Variants in CLASP1 observed in about 807,000 individuals in gnomAD.
CLASP1 encodes the protein CLIP-associating protein 1.
CLASP1 carries 38 observed loss-of-function variants against 192.3 expected under a neutral mutation model. The observed-to-expected ratio is 0.20, with a 90% CI of 0.15 to 0.26. The LOEUF is 0.26. Ranked by LOEUF, CLASP1 falls within the 10% of genes least tolerant of loss-of-function variation. The pLI is 1.00. For missense variants in CLASP1, 1,433 were observed against 1,932.5 expected (o/e 0.74, Z 4.85); for synonymous variants, 691 against 712.8 (o/e 0.97, Z 0.49).
intron 8 of CLASP1, among the ~76,000 whole-genome samples, chr2:121,497,068 A>G (rs2093564177): frequency 6.6e-6 from 1 of 152,204 alleles, no homozygotes; most frequent in Non-Finnish European, 1.5e-5. Flanking sequence ...ACCAAAGGCC[A>G]GGAAGGGGAG....
At chr2:121,515,168 C>T (rs1031288975) in intron 7 of CLASP1, among the ~76,000 whole-genome samples, 4 of 152,166 alleles carry the variant, frequency 2.6e-5, no homozygotes, top group Admixed American at 2.0e-4. Flanking sequence ...TCTGATGAGA[C>T]GCTGATCCCC....
At chr2:121,374,000 G>A (rs77716340) in intron 34 of CLASP1, among the ~76,000 whole-genome samples, 5,303 of 152,338 alleles carry the variant, frequency 0.035, 152 homozygotes, top group East Asian at 0.14. Context: ...ATTAAAAGCC[G>A]GATGTTAATA....
intron 2 of CLASP1, among the ~76,000 whole-genome samples, chr2:121,562,953 C>G (rs546219566): frequency 6.0e-4 from 91 of 152,284 alleles, no homozygotes; most frequent in African/African-American, 2.2e-3. Context: ...CAATGACAGT[C>G]CCAACACAGG....
At chr2:121,507,010 C>T (rs2093966417) in intron 7 of CLASP1, among the ~76,000 whole-genome samples, 3 of 152,102 alleles carry the variant, frequency 2.0e-5, no homozygotes, top group Non-Finnish European at 4.4e-5. Flanking sequence ...TTTCAAGTGT[C>T]CAGTTTCAAC....
At chr2:121,352,552 G>T (rs556850302) in intron 37 of CLASP1, among the ~76,000 whole-genome samples, 1 of 152,310 alleles carries the variant, frequency 6.6e-6, no homozygotes, top group Admixed American at 6.5e-5. Context: ...CATATTCTCA[G>T]CCTCTGAGAG....
rs147000252 is a variant in CLASP1 at position 121,454,158 on chromosome 2, C to T, written c.1386-2309G>A. On this transcript the variant is annotated intron_variant, in intron 14 of 39. Transcript: ENST00000263710. Reference sequence around the variant, plus strand: ...GAATTTTATCTCCCTGCCCACCCCCCCCTCCAAAATTAATATGCTGAAGTC... The same window carrying T: ...GAATTTTATCTCCCTGCCCACCCCCTCCTCCAAAATTAATATGCTGAAGTC... Among the ~76,000 whole-genome samples, 7 of 151,958 alleles carry T rather than the reference C, an allele frequency of 4.6e-5. 1 individual carries two copies. Among genetic ancestry groups the T allele is most frequent in the South Asian group, 2.1e-4 (1 of 4,802 alleles).
In CLASP1 at chr2:121,363,309, C is replaced by CA. The variant is rs758118874; in HGVS notation, c.4078-10dup. The CA allele has an allele frequency of 6.2e-7, 1 of 1,613,314 alleles. No individual in the cohort carries two copies. Among genetic ancestry groups the CA allele is most frequent in the African/African-American group, 1.3e-5 (1 of 75,034 alleles). ...AGTGCTCGAATTGAATGCTAGAATA[C>CA]AAAGGGAAAGGAAGACATCACCAAA... On this transcript the variant is annotated splice_polypyrimidine_tract_variant and intron_variant, in intron 36 of 39. Coordinates refer to ENST00000263710, the Ensembl canonical transcript of CLASP1.
chr2:121,347,426 G>A (rs1300066911), intron 38 of CLASP1, among the ~76,000 whole-genome samples: 2 of 152,204 alleles, frequency 1.3e-5, no homozygotes, highest in Non-Finnish European at 2.9e-5. Context: ...AGGTATCACC[G>A]TGTAACAAGC....
At chr2:121,568,255 C>T (rs1327811943) in intron 2 of CLASP1, among the ~76,000 whole-genome samples, 1 of 152,050 alleles carries the variant, frequency 6.6e-6, no homozygotes, top group African/African-American at 2.4e-5. Flanking sequence ...CACATTACTG[C>T]TAAGCAGGGG....
At chr2:121,462,446 C>A in intron 10 of CLASP1, 86 bp downstream of exon 10, 1 of 751,194 alleles carries the variant, frequency 1.3e-6, no homozygotes, top group South Asian at 1.8e-5. Context: ...ACCTAGTAAA[C>A]AACATTACAT....
At chr2:121,408,659 GATA>G (rs2077257979) in intron 24 of CLASP1, among the ~76,000 whole-genome samples, 1 of 151,974 alleles carries the variant, frequency 6.6e-6, no homozygotes, top group Admixed American at 6.6e-5. Context: ...TTTTTGTTTG[GATA>G]ATAAATTACA....
rs2150029749 is a variant in CLASP1 at position 121,477,392 on chromosome 2, A to G, written c.713-7432T>C. On this transcript the variant is annotated intron_variant, in intron 8 of 39. Coordinates refer to ENST00000263710, the Ensembl canonical transcript of CLASP1. ...AACTGAAGACAAATCAACAAAGACAATTAAAACCTCAAATACTTTTTAAGC... is the reference window on the plus strand; with the variant it reads ...AACTGAAGACAAATCAACAAAGACAGTTAAAACCTCAAATACTTTTTAAGC... 2.0e-5 allele frequency among the ~76,000 whole-genome samples: 3 copies of G among 152,348 alleles called. No individual in the cohort carries two copies. In the South Asian group the frequency reaches 6.2e-4, roughly 32 times the overall value.
At chr2:121,404,432 C>T (rs1209432824) in exon 26 of CLASP1, 6 of 1,608,962 alleles carry the variant, frequency 3.7e-6, no homozygotes, top group East Asian at 2.2e-5. Context: ...CAGTTCAACT[C>T]GACTAGAAGA....
At chr2:121,448,318 G>A (rs2084762461) in exon 18 of CLASP1, 2 of 1,611,344 alleles carry the variant, frequency 1.2e-6, no homozygotes, top group Admixed American at 3.3e-5. Context: ...TTGGCAGACA[G>A]CGGACGACTA....
intron 7 of CLASP1, among the ~76,000 whole-genome samples, chr2:121,506,683 A>G (rs944922724): frequency 1.3e-5 from 2 of 152,162 alleles, no homozygotes; most frequent in African/African-American, 4.8e-5. Flanking sequence ...AACAAGCAGG[A>G]AGTAAAAAGG....
chr2:121,478,791 CA>C (rs2092111921), intron 8 of CLASP1, among the ~76,000 whole-genome samples: 1 of 96,018 alleles, frequency 1.0e-5, no homozygotes, highest in African/African-American at 4.1e-5. Flanking sequence ...ACCCCACACA[CA>C]CCACACACCA....
intron 2 of CLASP1, among the ~76,000 whole-genome samples, chr2:121,585,614 CT>C (rs1398700496): frequency 6.6e-6 from 1 of 152,160 alleles, no homozygotes; most frequent in Non-Finnish European, 1.5e-5. Context: ...AAAAATAAGT[CT>C]TTTGGCCAGG....
chr2:121,557,825 G>A (rs1435502047), intron 2 of CLASP1, among the ~76,000 whole-genome samples: 1 of 151,768 alleles, frequency 6.6e-6, no homozygotes, highest in Non-Finnish European at 1.5e-5. Context: ...GCTCATGCCT[G>A]TAATCCTAGC....
At chr2:121,623,923 CAT>C (rs1336971723) in intron 1 of CLASP1, among the ~76,000 whole-genome samples, 12 of 152,322 alleles carry the variant, frequency 7.9e-5, no homozygotes, top group Admixed American at 1.3e-4. Flanking sequence ...ATATATTTCA[CAT>C]GTGTTATCTA....
Sources: allele counts gnomAD v4.1 joint callset (sites outside exome capture counted in the v4.1 genomes callset), GRCh38; gene constraint gnomAD v4.1.1; transcripts MANE v1.5; gene names NCBI Gene and HGNC (gene_info 2026-07-23, HGNC 2026-07-21).